The following DLGAP1 variants were observed in gnomAD, a reference collection of about 807,000 sequenced individuals.
The protein encoded by DLGAP1 is DLG associated protein 1.
DLGAP1 carries 11 observed loss-of-function variants against 90.8 expected under a neutral mutation model. The ratio of observed to expected loss-of-function variants is 0.12; its 90% CI spans 0.08 to 0.20. The LOEUF is 0.20. DLGAP1 is among the 10% of genes least tolerant of loss of function. DLGAP1 has a pLI of 1.00. For synonymous variants in DLGAP1, 558 were observed against 540.7 expected (o/e 1.03, Z -0.44); for missense variants, 1,050 against 1,333.8 (o/e 0.79, Z 3.31).
intron 1 of DLGAP1, among the ~76,000 whole-genome samples, chr18:4,216,095 T>C (rs2077948288): frequency 6.6e-6 from 1 of 152,026 alleles, no homozygotes; most frequent in Admixed American, 6.6e-5. Flanking sequence ...TGACTAACAG[T>C]TCAGCATGGC....
chr18:3,732,209 G>GGAA lies in DLGAP1; in HGVS notation c.1351-2837_1351-2835dup, dbSNP rs1290357116. Among the ~76,000 whole-genome samples the GGAA allele has an allele frequency of 3.9e-5, 6 of 152,208 alleles. No individual in the cohort carries two copies. In the East Asian group the frequency reaches 1.2e-3, roughly 29 times the overall value. ...CTGCATTTTGTATTGCCTGAAAATT[G>GGAA]GAATCCAGATTCAGAGATTTGATCA... On this transcript the variant is annotated intron_variant, in intron 6 of 12. Coordinates refer to ENST00000315677, the MANE Select transcript of DLGAP1 (RefSeq NM_004746.4).
At chr18:3,830,041 C>T (rs1040553467) in intron 4 of DLGAP1, among the ~76,000 whole-genome samples, 2 of 152,148 alleles carry the variant, frequency 1.3e-5, no homozygotes, top group Admixed American at 6.5e-5. Flanking sequence ...GGGTCAAAGA[C>T]GTGAGTGTAA....
At chr18:3,753,318 G>C (rs1204116942) in intron 5 of DLGAP1, among the ~76,000 whole-genome samples, 1 of 152,156 alleles carries the variant, frequency 6.6e-6, no homozygotes, top group Non-Finnish European at 1.5e-5. Context: ...GCAGCCAACA[G>C]AGTGGATGCA....
intron 1 of DLGAP1, among the ~76,000 whole-genome samples, chr18:4,356,275 T>C (rs1168671048): frequency 6.6e-6 from 1 of 151,968 alleles, no homozygotes; most frequent in Non-Finnish European, 1.5e-5. Flanking sequence ...TAGGCTGAAA[T>C]AGTTACCTAT....
intron 3 of DLGAP1, among the ~76,000 whole-genome samples, chr18:3,997,849 T>A (rs542074020): frequency 6.6e-6 from 1 of 152,160 alleles, no homozygotes; most frequent in South Asian, 2.1e-4. Flanking sequence ...GTTTACATCT[T>A]TTTTTCATAT....
chr18:3,984,048 T>C (rs549747148), intron 3 of DLGAP1: 31 of 152,236 alleles, frequency 2.0e-4, no homozygotes, highest in African/African-American at 6.3e-4. Context: ...TAAAAGATCC[T>C]CACGGAATGG....
At chr18:3,677,075 G>A (rs1323552648) in intron 7 of DLGAP1, among the ~76,000 whole-genome samples, 2 of 152,020 alleles carry the variant, frequency 1.3e-5, no homozygotes, top group African/African-American at 2.4e-5. Context: ...ACTTCAGCCC[G>A]TTTCATTGGG....
chr18:4,282,920 G>A (rs2079587942), intron 1 of DLGAP1, among the ~76,000 whole-genome samples: 1 of 152,180 alleles, frequency 6.6e-6, no homozygotes, highest in Non-Finnish European at 1.5e-5. Context: ...TCTCAGTCAT[G>A]TCATTTTATC....
At chr18:3,819,040 G>A (rs557905129) in intron 4 of DLGAP1, among the ~76,000 whole-genome samples, 11 of 151,778 alleles carry the variant, frequency 7.2e-5, no homozygotes, top group African/African-American at 1.2e-4. Flanking sequence ...GGCCGGACGC[G>A]GTGGCTCATG....
chr18:4,251,172 G>T (rs781250646), intron 1 of DLGAP1, among the ~76,000 whole-genome samples: 1 of 152,192 alleles, frequency 6.6e-6, no homozygotes, highest in African/African-American at 2.4e-5. Context: ...GAGAGAGGGA[G>T]AGATAGATAG....
At chr18:3,546,293 A>G (rs2053010427) in intron 9 of DLGAP1, among the ~76,000 whole-genome samples, 1 of 152,026 alleles carries the variant, frequency 6.6e-6, no homozygotes, top group African/African-American at 2.4e-5. Flanking sequence ...ATGCACCTGT[A>G]GTCCCAGCTA....
rs910907368 is a variant in DLGAP1 at position 3,738,069 on chromosome 18, G to T, written c.1350+4266C>A. 4.2e-4 allele frequency among the ~76,000 whole-genome samples: 63 copies of T among 150,682 alleles called. 1 individual carries two copies. Among genetic ancestry groups the T allele is most frequent in the African/African-American group, 1.5e-3 (59 of 40,632 alleles). On this transcript the variant is annotated intron_variant, in intron 6 of 12. Coordinates refer to ENST00000315677, the MANE Select transcript of DLGAP1 (RefSeq NM_004746.4). ...ATACCTACGAATCCAACTTACAAGG[G>T]ATGTGAAGGACCTCTTCAAGAAGAA...
At chr18:4,117,730 G>A (rs971972965) in intron 2 of DLGAP1, among the ~76,000 whole-genome samples, 1 of 152,126 alleles carries the variant, frequency 6.6e-6, no homozygotes, top group African/African-American at 2.4e-5. Context: ...CATCACTCTG[G>A]AGAAGGCACA....
chr18:3,835,738 C>T (rs1006772351), intron 4 of DLGAP1, among the ~76,000 whole-genome samples: 1 of 151,720 alleles, frequency 6.6e-6, no homozygotes, highest in African/African-American at 2.4e-5. Flanking sequence ...TATATGAGGG[C>T]ATCCCACATA....
chr18:3,756,998 T>C (rs1488389412), intron 5 of DLGAP1, among the ~76,000 whole-genome samples: 1 of 152,244 alleles, frequency 6.6e-6, no homozygotes, highest in Non-Finnish European at 1.5e-5. Context: ...GTGGATTATG[T>C]CAAACATTTA....
chr18:4,255,392 G>A (rs1248953998), intron 1 of DLGAP1, among the ~76,000 whole-genome samples: 1 of 150,404 alleles, frequency 6.6e-6, no homozygotes, highest in Non-Finnish European at 1.5e-5. Context: ...CTTTTGTTTC[G>A]ACTTTCTTTT....
In DLGAP1 at chr18:3,719,325, G is replaced by A. The variant is rs529710199; in HGVS notation, c.1591+9810C>T. On this transcript the variant is annotated intron_variant, in intron 7 of 12. Transcript: ENST00000315677. ...CTCGCACCTGTAATCCCAGCACTTT[G>A]GGAGGCCGGGGTGGGCGGATCACGA... Among the ~76,000 whole-genome samples, 6 of 152,118 alleles carry A rather than the reference G, an allele frequency of 3.9e-5. No homozygotes were observed. In the East Asian group the frequency reaches 1.2e-3, roughly 29 times the overall value.
At chr18:4,147,252 T>C (rs1255724947) in intron 2 of DLGAP1, among the ~76,000 whole-genome samples, 1 of 152,206 alleles carries the variant, frequency 6.6e-6, no homozygotes, top group East Asian at 1.9e-4. Flanking sequence ...TTTCACAAAC[T>C]AAAATGTACA....
chr18:3,951,886 G>A (rs112494610), intron 3 of DLGAP1, among the ~76,000 whole-genome samples: 12 of 152,258 alleles, frequency 7.9e-5, no homozygotes, highest in African/African-American at 2.4e-4. Flanking sequence ...GCAGAACTGT[G>A]AGTCGATTAA....
Sources: gnomAD v4.1 joint callset for allele counts (sites outside exome capture counted in the v4.1 genomes callset) on GRCh38, gnomAD v4.1.1 for gene constraint, MANE v1.5 for transcripts, NCBI Gene and HGNC (gene_info 2026-07-23, HGNC 2026-07-21) for gene names.